Variants in GALNT10 observed in about 807,000 individuals in gnomAD.
GALNT10 encodes polypeptide N-acetylgalactosaminyltransferase 10.
Under a neutral mutation model 75.0 loss-of-function variants are expected in GALNT10, and 41 were observed. That is an observed-to-expected ratio of 0.55 (90% CI 0.43 to 0.71). The LOEUF is 0.71. GALNT10 is among the 30% of genes least tolerant of loss of function. The pLI, the probability that GALNT10 is intolerant of heterozygous loss-of-function variation, is 0.00. For synonymous variants in GALNT10, 302 were observed against 313.0 expected, an observed-to-expected ratio of 0.96 and a Z score of 0.37; for missense variants, 727 against 818.5, an observed-to-expected ratio of 0.89 and a Z score of 1.36.
intron 10 of GALNT10, among the ~76,000 whole-genome samples, chr5:154,414,537 C>T (rs908193920): frequency 3.3e-5 from 5 of 152,124 alleles, no homozygotes. Context: ...GCAAACTAAT[C>T]TCTAGAAACA....
chr5:154,309,330 G>C (rs1754479561), intron 3 of GALNT10, among the ~76,000 whole-genome samples: 1 of 152,180 alleles, frequency 6.6e-6, no homozygotes, highest in Admixed American at 6.5e-5. Flanking sequence ...GTGGTGGTCG[G>C]GTTGTAGTGG....
At chr5:154,393,682 T>C (rs1366911203) in intron 7 of GALNT10, among the ~76,000 whole-genome samples, 1 of 151,948 alleles carries the variant, frequency 6.6e-6, no homozygotes, top group Non-Finnish European at 1.5e-5. Flanking sequence ...AAAAAGTTCT[T>C]TTAATTAGCT....
At chr5:154,307,592 C>G (rs1293192167) in intron 3 of GALNT10, among the ~76,000 whole-genome samples, 1 of 148,934 alleles carries the variant, frequency 6.7e-6, no homozygotes, top group Non-Finnish European at 1.5e-5. Flanking sequence ...TGCACTCCAG[C>G]CTGGGCGACA....
intron 1 of GALNT10, among the ~76,000 whole-genome samples, chr5:154,293,749 C>T (rs1754234744): frequency 6.6e-6 from 1 of 151,942 alleles, no homozygotes; most frequent in Admixed American, 6.6e-5. Flanking sequence ...TTGCTTGCGG[C>T]ACTCCTTCTC....
intron 1 of GALNT10, among the ~76,000 whole-genome samples, chr5:154,192,838 C>T (rs751690733): frequency 2.6e-5 from 4 of 152,074 alleles, no homozygotes; most frequent in Non-Finnish European, 2.9e-5. Flanking sequence ...TGGAGAAAGA[C>T]CTCGTATTTC....
intron 1 of GALNT10, chr5:154,219,765 T>G (rs1752942767): frequency 6.6e-6 from 1 of 151,518 alleles, no homozygotes. Context: ...AGATAACTGA[T>G]CCAGAGACAG....
At chr5:154,241,750 A>G (rs1192373393) in intron 1 of GALNT10, among the ~76,000 whole-genome samples, 2 of 152,140 alleles carry the variant, frequency 1.3e-5, no homozygotes, top group Non-Finnish European at 1.5e-5. Flanking sequence ...ATGTTATTGG[A>G]CATTTAGATT....
chr5:154,420,287 T>C lies in GALNT10; in HGVS notation c.*3315T>C, dbSNP rs1756603271. ...TCCAAAGTCTACATGACATTCACTTTTCAAACTTCCCACCAGTTGAATTTC... is the reference window on the plus strand; with the variant it reads ...TCCAAAGTCTACATGACATTCACTTCTCAAACTTCCCACCAGTTGAATTTC... On this transcript the variant is annotated 3_prime_UTR_variant, in exon 12 of 12. Coordinates refer to ENST00000297107, the MANE Select transcript of GALNT10 (RefSeq NM_198321.4). 6.6e-6 allele frequency: 1 copy of C among 152,256 alleles called. No homozygotes were observed. Among genetic ancestry groups the C allele is most frequent in the Non-Finnish European group, 1.5e-5 (1 of 68,048 alleles). The allele number at this position is 152,256 out of a possible 1,614,324, so 9.4% of individuals were successfully genotyped here. A position where few individuals can be genotyped will look rare whatever the true frequency, so the allele number is the denominator to read the frequency against.
At chr5:154,361,629 G>T (rs1755389996) in intron 4 of GALNT10, among the ~76,000 whole-genome samples, 1 of 152,204 alleles carries the variant, frequency 6.6e-6, no homozygotes, top group African/African-American at 2.4e-5. Context: ...GAATAAGGAA[G>T]GATGACCTTT....
At chr5:154,389,717 A>T (rs973640522) in intron 7 of GALNT10, 2 of 152,086 alleles carry the variant, frequency 1.3e-5, no homozygotes, top group African/African-American at 4.8e-5. Context: ...ATTGCTTTTC[A>T]TAAAAAAGAC....
intron 1 of GALNT10, among the ~76,000 whole-genome samples, chr5:154,243,852 T>G (rs1458667154): frequency 1.3e-5 from 2 of 152,226 alleles, no homozygotes; most frequent in African/African-American, 2.4e-5. Context: ...TTGACAGATA[T>G]TATAAATTGG....
intron 4 of GALNT10, among the ~76,000 whole-genome samples, chr5:154,330,411 T>C (rs1235825743): frequency 6.6e-6 from 1 of 152,196 alleles, no homozygotes; most frequent in African/African-American, 2.4e-5. Context: ...CCAGCTGGGA[T>C]TGCAGTGTCT....
At chr5:154,192,442 T>C (rs891216842) in intron 1 of GALNT10, among the ~76,000 whole-genome samples, 1 of 152,254 alleles carries the variant, frequency 6.6e-6, no homozygotes, top group African/African-American at 2.4e-5. Flanking sequence ...TTTCCGTTCA[T>C]GAAATCTCTT....
intron 4 of GALNT10, among the ~76,000 whole-genome samples, chr5:154,348,411 T>C (rs1755160041): frequency 6.6e-6 from 1 of 152,244 alleles, no homozygotes; most frequent in Admixed American, 6.5e-5. Flanking sequence ...ATGCCAACTA[T>C]TGTTTTATTC....
chr5:154,195,453 T>C (rs915028932), intron 1 of GALNT10, among the ~76,000 whole-genome samples: 2 of 152,174 alleles, frequency 1.3e-5, no homozygotes, highest in Non-Finnish European at 2.9e-5. Flanking sequence ...GCAAGAAGTG[T>C]ATCATGGCCT....
At chr5:154,236,528 C>G (rs1229577790) in intron 1 of GALNT10, among the ~76,000 whole-genome samples, 1 of 152,312 alleles carries the variant, frequency 6.6e-6, no homozygotes, top group Admixed American at 6.5e-5. Context: ...TTTAAAAGCT[C>G]TGCCTGAATT....
intron 10 of GALNT10, 122 bp downstream of exon 10, chr5:154,413,127 C>A (rs527400587): frequency 7.5e-6 from 5 of 663,450 alleles, no homozygotes; most frequent in African/African-American, 1.8e-5. Context: ...GAGTCAGCCC[C>A]GGGGATGAGT....
In GALNT10 at chr5:154,282,776, T is replaced by C. The variant is rs77932266; in HGVS notation, c.160-12040T>C. On this transcript the variant is annotated intron_variant, in intron 1 of 11. Coordinates refer to ENST00000297107, the MANE Select transcript of GALNT10 (RefSeq NM_198321.4). ...GACTATATTAGACATGTCTAATCCT[T>C]GAGTGACCTTTCCTTCATCTGGAAA... 3.1e-3 allele frequency among the ~76,000 whole-genome samples: 477 copies of C among 152,366 alleles called. 2 individuals carry two copies. The highest frequency in any genetic ancestry group is 0.011 in the African/African-American group (462 of 41,580).
chr5:154,204,585 C>T (rs1775076459), intron 1 of GALNT10, among the ~76,000 whole-genome samples: 1 of 152,214 alleles, frequency 6.6e-6, no homozygotes, highest in South Asian at 2.1e-4. Context: ...ACAGCAGCTG[C>T]ATTAGCCTTC....
Sources: allele counts gnomAD v4.1 joint callset (sites outside exome capture counted in the v4.1 genomes callset), GRCh38; gene constraint gnomAD v4.1.1; transcripts MANE v1.5; gene names NCBI Gene and HGNC (gene_info 2026-07-23, HGNC 2026-07-21).